HYDIN: variants seen among roughly 807,000 people sequenced by gnomAD.
The protein encoded by HYDIN is HYDIN axonemal central pair apparatus protein.
In HYDIN, 132 loss-of-function variants were observed where a neutral mutation model predicts 403.9. That is an observed-to-expected ratio of 0.33 (90% confidence interval 0.28 to 0.38). The LOEUF is 0.38. Among genes scored for constraint, HYDIN ranks in the 10% least tolerant of loss-of-function variants. The pLI is 1.00. For synonymous variants in HYDIN, 1,202 were observed against 1,891.7 expected (o/e 0.64, Z 9.46); for missense variants, 2,827 against 5,009.5 (o/e 0.56, Z 13.15).
At chr16:71,018,853 C>T (rs1452150417) in intron 22 of HYDIN, among the ~76,000 whole-genome samples, 1 of 150,480 alleles carries the variant, frequency 6.6e-6, no homozygotes, top group African/African-American at 2.5e-5. Flanking sequence ...TTGTGAAATG[C>T]CCTTAGGCAA....
chr16:71,219,377 T>C lies in HYDIN; in HGVS notation c.-24+11185A>G, dbSNP rs112653830. ...CAAGAGATTGCTTTTTCTAGTCATT[T>C]CACACTAATTTTTCTTTAAAGTCAA... On this transcript the variant is annotated intron_variant, in intron 1 of 85. Transcript: ENST00000393567. Among the ~76,000 whole-genome samples, 12 of 152,292 alleles carry C rather than the reference T, an allele frequency of 7.9e-5. 1 individual carries two copies. The highest frequency in any genetic ancestry group is 2.6e-4 in the African/African-American group (11 of 41,574).
At chr16:71,033,359 T>C (rs2080980399) in intron 18 of HYDIN, among the ~76,000 whole-genome samples, 1 of 152,226 alleles carries the variant, frequency 6.6e-6, no homozygotes, top group Non-Finnish European at 1.5e-5. Flanking sequence ...TATATTGTAC[T>C]ATATTATTAA....
rs539618212 is a variant in HYDIN at position 71,029,978 on chromosome 16, G to A, written c.2768+1701C>T. 1.1e-4 allele frequency among the ~76,000 whole-genome samples: 16 copies of A among 152,156 alleles called. No individual in the cohort carries two copies. The South Asian group carries it at 2.5e-3, about 24-fold the overall frequency. On this transcript the variant is annotated intron_variant, in intron 19 of 85. Transcript: ENST00000393567. Reference sequence around the variant, plus strand: ...CCCCCAAGAGCCAACTAGTGATGGCGACATGACTCTCCTGAGGAATCAAGA... The same window carrying A: ...CCCCCAAGAGCCAACTAGTGATGGCAACATGACTCTCCTGAGGAATCAAGA...
In HYDIN at chr16:71,027,731, G is replaced by T. The variant is rs1353830669; in HGVS notation, c.2913C>A (p.Pro971=). 1.3e-6 allele frequency: 2 copies of T among 1,505,260 alleles called. No individual in the cohort carries two copies. The highest frequency in any genetic ancestry group is 2.8e-5 in the African/African-American group (2 of 70,550). 93.2% of individuals were successfully genotyped at this position (1,505,260 alleles called of 1,614,324 possible). The change falls in exon 20 of 86, where the codon CCC becomes CCA. Residue 971 remains proline (P), a synonymous_variant. Transcript: ENST00000393567. ...TGGGCTCCTGAGAGCCACTGGGCTG[G>T]GGTTGGACATGAGCATGTCCCTTCT... is the stretch of plus-strand genomic sequence containing the variant. ...RVKKGHAHVQ[P]QPSGSQEPRD...
chr16:71,221,771 G>C (rs983680756), intron 1 of HYDIN, among the ~76,000 whole-genome samples: 7 of 152,308 alleles, frequency 4.6e-5, no homozygotes, highest in African/African-American at 1.7e-4. Flanking sequence ...GAGAGGTATA[G>C]AAGAAATATA....
At chr16:70,944,067 C>T (rs75883948) in intron 41 of HYDIN, 118 bp from the exon 42 acceptor site, 10,898 of 734,676 alleles carry the variant, frequency 0.015, 148 homozygotes, top group Middle Eastern at 0.1. Flanking sequence ...CTCATCTGTA[C>T]AATGGGAACT....
chr16:70,819,974 A>ATT (rs56879257), intron 83 of HYDIN, among the ~76,000 whole-genome samples: 87 of 123,148 alleles, frequency 7.1e-4, no homozygotes, highest in South Asian at 1.2e-3. Context: ...CGCCTGGCTA[A>ATT]TTTTTTTTTT....
Position 70,850,589 on chromosome 16 carries a change from A to G in HYDIN, c.12510T>C (p.Asn4170=). 12 of 1,613,938 alleles carry G rather than the reference A, an allele frequency of 7.4e-6. No homozygotes were observed. The highest frequency in any genetic ancestry group is 9.3e-6 in the Non-Finnish European group (11 of 1,179,944). ...TCACAGGGTGGACTTTCTTTTCCACATTGCAGATCAAATTAAAGTTCACAT... is the reference window on the plus strand; with the variant it reads ...TCACAGGGTGGACTTTCTTTTCCACGTTGCAGATCAAATTAAAGTTCACAT... The part of the protein sequence containing the change: ...EGDVNFNLIC[N]VEKKVHPVTL... The change falls in exon 74 of 86, where the codon AAT becomes AAC. Residue 4170 remains asparagine (N), a synonymous_variant. Coordinates refer to ENST00000393567, the MANE Select transcript of HYDIN (RefSeq NM_001270974.2).
In HYDIN at chr16:71,062,195, T is replaced by C. The variant is rs998774631; in HGVS notation, c.2350A>G (p.Ile784Val). The stretch of plus-strand genomic sequence containing the variant: ...AAAGGGGGGTCCTGGCTCCCAAAGA[T>C]TGAGATGTAAACCGTGGATCTGTGT... ...GEHRSTVYIS[I>V]FGSQDPPLVC... is the part of the protein sequence containing the mutation. Residue 784 changes from isoleucine to valine, a missense_variant, in exon 17 of 86, where the codon ATC becomes GTC. Ile to Val is a conservative substitution (Grantham distance 29). Transcript: ENST00000393567. The C allele has an allele frequency of 1.8e-5, 26 of 1,462,930 alleles. No individual in the cohort carries two copies. Among genetic ancestry groups the C allele is most frequent in the African/African-American group, 5.6e-5 (4 of 71,922 alleles). 90.6% of individuals were successfully genotyped at this position (1,462,930 alleles called of 1,614,324 possible).
intron 9 of HYDIN, among the ~76,000 whole-genome samples, chr16:71,120,897 T>C (rs2084233385): frequency 6.6e-6 from 1 of 152,220 alleles, no homozygotes; most frequent in African/African-American, 2.4e-5. Flanking sequence ...TTTAGAAGAA[T>C]GATCCACGTT....
chr16:70,817,546 T>A (rs1383112514), intron 84 of HYDIN: 2 of 151,864 alleles, frequency 1.3e-5, no homozygotes, highest in East Asian at 3.9e-4. Flanking sequence ...GAGTTTGGAG[T>A]GATAACCAGA....
At chr16:70,997,791 T>C (rs2079577983) in intron 23 of HYDIN, among the ~76,000 whole-genome samples, 1 of 152,006 alleles carries the variant, frequency 6.6e-6, no homozygotes, top group East Asian at 1.9e-4. Context: ...CTAACATTTG[T>C]TGAATGAAAT....
Position 71,107,320 on chromosome 16 carries a change from T to TA in HYDIN, c.1327+8375dup, listed in dbSNP as rs796256782. Among the ~76,000 whole-genome samples, 1,034 of 132,172 alleles carry TA rather than the reference T, an allele frequency of 7.8e-3. 7 individuals are homozygous for TA. The highest frequency in any genetic ancestry group is 0.027 in the African/African-American group (955 of 35,862). The allele number at this position is 132,172 out of a possible 152,430, so 86.7% of individuals were successfully genotyped here. ...TAATAAAAAACAAGTAAAATTAAAT[T>TA]AAAAAAAAAAAAGCTTAAGAGCTTC... On this transcript the variant is annotated intron_variant, in intron 10 of 85. Coordinates refer to ENST00000393567, the MANE Select transcript of HYDIN (RefSeq NM_001270974.2).
intron 67 of HYDIN, chr16:70,865,268 TA>T (rs1567728916): frequency 2.8e-6 from 1 of 358,420 alleles, no homozygotes; most frequent in Admixed American, 3.7e-5. Flanking sequence ...ATCTGTCCTC[TA>T]AAGTTCAGCT....
chr16:70,904,478 C>CTT (rs76148650), intron 50 of HYDIN, among the ~76,000 whole-genome samples: 8 of 25,218 alleles, frequency 3.2e-4, no homozygotes, highest in Admixed American at 1.2e-3. Context: ...ACTTGAGTAA[C>CTT]TTTTTTTTTT....
Position 71,230,602 on chromosome 16 carries a change from C to A in HYDIN, c.-64G>T. ...GTCCCACGTTTATTCTACCTCCATT[C>A]CCCGCCAAGACCCCGCGTCCAACTC... On this transcript the variant is annotated 5_prime_UTR_variant, in exon 1 of 86. Coordinates refer to ENST00000393567, the MANE Select transcript of HYDIN (RefSeq NM_001270974.2). 4 of 1,536,060 alleles carry A rather than the reference C, an allele frequency of 2.6e-6. No homozygotes were observed. Among genetic ancestry groups the A allele is most frequent in the Non-Finnish European group, 3.5e-6 (4 of 1,146,874 alleles).
chr16:70,998,886 C>T (rs1439417977), intron 23 of HYDIN, among the ~76,000 whole-genome samples: 1 of 152,116 alleles, frequency 6.6e-6, no homozygotes, highest in Non-Finnish European at 1.5e-5. Flanking sequence ...AACAGATGGG[C>T]TGGCCCAGTG....
Position 70,926,296 on chromosome 16 carries a change from C to T in HYDIN, c.7159-5079G>A, listed in dbSNP as rs540811824. 4.1e-4 allele frequency among the ~76,000 whole-genome samples: 62 copies of T among 152,016 alleles called. 1 individual carries two copies. The South Asian group carries it at 0.011, about 28-fold the overall frequency. ...CTATGCAGCCATAAAAAATGATGAG[C>T]TCATGTCCTTTGTAGGGACATGGAT... On this transcript the variant is annotated intron_variant, in intron 45 of 85. Transcript: ENST00000393567.
chr16:71,053,465 G>A (rs1597653658), intron 18 of HYDIN, among the ~76,000 whole-genome samples: 1 of 152,066 alleles, frequency 6.6e-6, no homozygotes, highest in Non-Finnish European at 1.5e-5. Flanking sequence ...GGTAAATGGA[G>A]TATCCACAGC....
Sources: gnomAD v4.1 joint callset for allele counts (sites outside exome capture counted in the v4.1 genomes callset) on GRCh38, gnomAD v4.1.1 for gene constraint, MANE v1.5 for transcripts, NCBI Gene and HGNC (gene_info 2026-07-23, HGNC 2026-07-21) for gene names.